The following LINGO2 variants were observed in gnomAD, a reference collection of about 807,000 sequenced individuals.
LINGO2 encodes leucine rich repeat and Ig domain containing 2.
A neutral mutation model predicts 30.6 loss-of-function variants in LINGO2; 14 were observed. The ratio of observed to expected loss-of-function variants is 0.46; its 90% CI spans 0.30 to 0.72. LINGO2 has a LOEUF of 0.72. LINGO2 is among the 30% of genes least tolerant of loss of function. The pLI is 0.07. For synonymous variants in LINGO2, 317 were observed against 288.5 expected, an observed-to-expected ratio of 1.10 and a Z score of -1.00; for missense variants, 729 against 751.7, an observed-to-expected ratio of 0.97 and a Z score of 0.35.
chr9:27,977,717 A>G (rs1820668012), intron 5 of LINGO2, among the ~76,000 whole-genome samples: 3 of 151,722 alleles, frequency 2.0e-5, no homozygotes, highest in Non-Finnish European at 4.4e-5. Context: ...CCCCCATCAC[A>G]TGGGAGCCTG....
chr9:28,569,540 A>G (rs1271400194), intron 1 of LINGO2, among the ~76,000 whole-genome samples: 3 of 151,472 alleles, frequency 2.0e-5, no homozygotes, highest in Non-Finnish European at 4.4e-5. Flanking sequence ...ACACAGAAAG[A>G]CAAATATTGT....
intron 4 of LINGO2, among the ~76,000 whole-genome samples, chr9:28,029,916 C>T (rs1472448503): frequency 6.6e-6 from 1 of 152,056 alleles, no homozygotes; most frequent in African/African-American, 2.4e-5. Context: ...TCCATAGTCC[C>T]TAGAGAAATA....
rs551399859 is a variant in LINGO2 at position 28,457,844 on chromosome 9, T to C, written c.-279+18096A>G. 2.0e-5 allele frequency among the ~76,000 whole-genome samples: 3 copies of C among 152,304 alleles called. No homozygotes were observed. In the East Asian group the frequency reaches 5.8e-4, roughly 29 times the overall value. ...AATGGTCTCCTTTTCTTTCCTGTCA[T>C]TGCTATTTTCTTTTCCCCTCATATA... On this transcript the variant is annotated intron_variant, in intron 2 of 5. Coordinates refer to ENST00000379992, the Ensembl canonical transcript of LINGO2.
chr9:28,268,641 A>G (rs998424214), intron 4 of LINGO2, among the ~76,000 whole-genome samples: 2 of 152,146 alleles, frequency 1.3e-5, no homozygotes, highest in African/African-American at 2.4e-5. Context: ...ATCAAATTAC[A>G]TGAGTATAAA....
the LINGO2 span, among the ~76,000 whole-genome samples, chr9:28,952,109 C>T: frequency 6.6e-4 from 100 of 152,100 alleles, no homozygotes; most frequent in East Asian, 1.2e-3. Flanking sequence ...CACACACTTA[C>T]GGGGCATGGA....
At chr9:29,106,325 C>T in the LINGO2 span, among the ~76,000 whole-genome samples, 1 of 152,040 alleles carries the variant, frequency 6.6e-6, no homozygotes, top group South Asian at 2.1e-4. Context: ...TGTTTTTAAA[C>T]ATTTTCTCAT....
chr9:28,351,517 C>A (rs1819890466), intron 3 of LINGO2, among the ~76,000 whole-genome samples: 1 of 149,090 alleles, frequency 6.7e-6, no homozygotes, highest in South Asian at 2.1e-4. Flanking sequence ...AATAGCTTAC[C>A]AACCAAAAAG....
chr9:29,085,497 C>T, the LINGO2 span, among the ~76,000 whole-genome samples: 4 of 151,494 alleles, frequency 2.6e-5, no homozygotes, highest in African/African-American at 7.3e-5. Context: ...TCCAATTATT[C>T]GAAAAGAAAA....
At chr9:28,051,965 G>A (rs1824697682) in intron 4 of LINGO2, among the ~76,000 whole-genome samples, 1 of 152,052 alleles carries the variant, frequency 6.6e-6, no homozygotes, top group African/African-American at 2.4e-5. Flanking sequence ...CCTGGGCACT[G>A]TAAGCATTGC....
intron 4 of LINGO2, among the ~76,000 whole-genome samples, chr9:28,059,365 C>T (rs1825069351): frequency 6.6e-6 from 1 of 152,036 alleles, no homozygotes; most frequent in African/African-American, 2.4e-5. Context: ...CCCCCCACCC[C>T]ACCGGGTCCC....
At chr9:29,144,755 T>G in the LINGO2 span, among the ~76,000 whole-genome samples, 5 of 152,136 alleles carry the variant, frequency 3.3e-5, no homozygotes, top group African/African-American at 1.2e-4. Context: ...TGTGGAGAGA[T>G]AATATGAGTG....
At chr9:28,811,138 A>T in the LINGO2 span, among the ~76,000 whole-genome samples, 1 of 152,244 alleles carries the variant, frequency 6.6e-6, no homozygotes, top group African/African-American at 2.4e-5. Context: ...TGTAAATGGG[A>T]TCATAATCTC....
chr9:28,552,828 T>C (rs945635538), intron 1 of LINGO2, among the ~76,000 whole-genome samples: 5 of 151,708 alleles, frequency 3.3e-5, no homozygotes, highest in African/African-American at 1.2e-4. Flanking sequence ...CTTTTCAACT[T>C]TACCCCCTAA....
chr9:28,664,088 T>C (rs1828696184), intron 1 of LINGO2, among the ~76,000 whole-genome samples: 1 of 152,174 alleles, frequency 6.6e-6, no homozygotes, highest in South Asian at 2.1e-4. Context: ...CCTGCTTTAT[T>C]CTTAACAGGA....
chr9:28,163,208 G>A (rs116644367), intron 4 of LINGO2, among the ~76,000 whole-genome samples: 3 of 151,982 alleles, frequency 2.0e-5, no homozygotes, highest in African/African-American at 7.2e-5. Context: ...ATATATTCCA[G>A]AAAAAGGGGT....
intron 1 of LINGO2, among the ~76,000 whole-genome samples, chr9:28,623,303 T>C (rs1361071854): frequency 6.6e-6 from 1 of 152,156 alleles, no homozygotes; most frequent in African/African-American, 2.4e-5. Flanking sequence ...AAAGTTTTCA[T>C]GTAATACTTT....
intron 1 of LINGO2, among the ~76,000 whole-genome samples, chr9:28,524,451 T>C (rs1820938569): frequency 6.6e-6 from 1 of 152,146 alleles, no homozygotes; most frequent in Non-Finnish European, 1.5e-5. Flanking sequence ...GACATCTTTA[T>C]AAAAGTCAAA....
intron 1 of LINGO2, among the ~76,000 whole-genome samples, chr9:28,478,966 T>C (rs1274468858): frequency 1.3e-5 from 2 of 152,104 alleles, no homozygotes; most frequent in African/African-American, 4.8e-5. Context: ...GTATACATTT[T>C]AGCTTTCATT....
At chr9:28,810,738 T>C in the LINGO2 span, among the ~76,000 whole-genome samples, 1 of 152,164 alleles carries the variant, frequency 6.6e-6, no homozygotes, top group Non-Finnish European at 1.5e-5. Flanking sequence ...GTTATAAATA[T>C]TTACTGATCT....
Sources: gnomAD v4.1 joint callset for allele counts (sites outside exome capture counted in the v4.1 genomes callset) on GRCh38, gnomAD v4.1.1 for gene constraint, MANE v1.5 for transcripts, NCBI Gene and HGNC (gene_info 2026-07-23, HGNC 2026-07-21) for gene names.